The following FNDC3A variants were observed in gnomAD, a reference collection of about 807,000 sequenced individuals.
FNDC3A encodes fibronectin type-III domain-containing protein 3A.
Under a neutral mutation model 148.9 loss-of-function variants are expected in FNDC3A, and 32 were observed. The ratio of observed to expected loss-of-function variants is 0.21; its 90% CI spans 0.16 to 0.29. The LOEUF is 0.29. FNDC3A is among the 10% of genes least tolerant of loss of function. FNDC3A has a pLI of 1.00. For missense variants in FNDC3A, 1,191 were observed against 1,452.8 expected (o/e 0.82, Z 2.93); for synonymous variants, 472 against 473.6 (o/e 1.00, Z 0.04).
At chr13:48,975,907 T>C (rs1951588775), upstream of FNDC3A, 1 of 151,508 alleles carries the variant, frequency 6.6e-6, no homozygotes, top group African/African-American at 2.4e-5. Flanking sequence ...GACTTCGGGC[T>C]CCTCCTCCCG....
chr13:49,051,310 G>T (rs1443078556), intron 2 of FNDC3A, among the ~76,000 whole-genome samples: 1 of 152,052 alleles, frequency 6.6e-6, no homozygotes, highest in Non-Finnish European at 1.5e-5. Context: ...GGTGTATTTT[G>T]CGGATTTGTT....
At chr13:48,975,820 G>A (rs986536497), upstream of FNDC3A, 2 of 151,656 alleles carry the variant, frequency 1.3e-5, no homozygotes, top group Non-Finnish European at 2.9e-5. Context: ...CCCCGGCGCG[G>A]CGGGCTCGAG....
Position 48,995,310 on chromosome 13 carries a change from C to CT in FNDC3A, c.-39-10830dup, listed in dbSNP as rs112558764. Among the ~76,000 whole-genome samples, 901 of 142,684 alleles carry CT rather than the reference C, an allele frequency of 6.3e-3. 5 individuals are homozygous for CT. Among genetic ancestry groups the CT allele is most frequent in the Non-Finnish European group, 0.011 (700 of 64,990 alleles). 93.6% of individuals were successfully genotyped at this position (142,684 alleles called of 152,430 possible). ...AGCCTATTTCTTGATTGAGGACTGC[C>CT]TTTTTTTTTTTTCTTTTAGCATAAC... On this transcript the variant is annotated intron_variant, in intron 1 of 25. Coordinates refer to ENST00000492622, the MANE Select transcript of FNDC3A (RefSeq NM_001079673.2).
At chr13:49,196,434 T>G (rs527321395) in intron 19 of FNDC3A, among the ~76,000 whole-genome samples, 1 of 152,180 alleles carries the variant, frequency 6.6e-6, no homozygotes, top group Non-Finnish European at 1.5e-5. Flanking sequence ...TAAACAAATT[T>G]ATAGAACAGA....
At chr13:49,110,409 A>G (rs754975191) in intron 3 of FNDC3A, 4 of 1,583,592 alleles carry the variant, frequency 2.5e-6, no homozygotes, top group Non-Finnish European at 3.5e-6. Flanking sequence ...AATGAGTGGT[A>G]AGATTTGCTG....
At chr13:49,058,482 G>A (rs1201517097) in intron 2 of FNDC3A, among the ~76,000 whole-genome samples, 1 of 152,056 alleles carries the variant, frequency 6.6e-6, no homozygotes, top group Non-Finnish European at 1.5e-5. Context: ...ATGAGGGGTG[G>A]TCTCCTCCCT....
At chr13:49,043,683 T>C (rs1343861446) in intron 2 of FNDC3A, among the ~76,000 whole-genome samples, 1 of 152,198 alleles carries the variant, frequency 6.6e-6, no homozygotes, top group East Asian at 1.9e-4. Flanking sequence ...TTTCTAAGTC[T>C]TAAGGTTTAT....
chr13:49,001,571 A>G (rs1331721199), intron 1 of FNDC3A, among the ~76,000 whole-genome samples: 2 of 152,166 alleles, frequency 1.3e-5, no homozygotes, highest in Non-Finnish European at 2.9e-5. Flanking sequence ...TTTCTCAGCA[A>G]GGAACATCCC....
At chr13:49,118,866 T>A (rs982800063) in intron 4 of FNDC3A, among the ~76,000 whole-genome samples, 3 of 152,166 alleles carry the variant, frequency 2.0e-5, no homozygotes, top group Admixed American at 6.5e-5. Context: ...CAGGGGCTTA[T>A]AGATAAAACG....
At chr13:49,131,529 C>A (rs888567643) in intron 5 of FNDC3A, among the ~76,000 whole-genome samples, 155 bp downstream of exon 5, 2 of 152,058 alleles carry the variant, frequency 1.3e-5, no homozygotes, top group Admixed American at 1.3e-4. Context: ...GGTGCTTCAT[C>A]CTCATGATCA....
At chr13:49,027,528 C>T (rs1216703368) in intron 2 of FNDC3A, among the ~76,000 whole-genome samples, 1 of 152,024 alleles carries the variant, frequency 6.6e-6, no homozygotes, top group African/African-American at 2.4e-5. Context: ...TGTTGGTTGG[C>T]TTATAAGGTA....
intron 4 of FNDC3A, 107 bp from the exon 5 acceptor site, chr13:49,131,030 T>G: frequency 1.2e-6 from 1 of 806,904 alleles, no homozygotes; most frequent in Non-Finnish European, 2.1e-6. Flanking sequence ...CCTCCCAAAG[T>G]GCTGGGACTA....
At chr13:49,034,342 G>A (rs911098560) in intron 2 of FNDC3A, among the ~76,000 whole-genome samples, 2 of 151,958 alleles carry the variant, frequency 1.3e-5, no homozygotes, top group African/African-American at 2.4e-5. Flanking sequence ...AGTGTTCTAA[G>A]TAATTATATT....
At chr13:49,186,854 T>C (rs1436568568) in intron 15 of FNDC3A, among the ~76,000 whole-genome samples, 1 of 151,950 alleles carries the variant, frequency 6.6e-6, no homozygotes, top group Non-Finnish European at 1.5e-5. Flanking sequence ...GGCAACAGAG[T>C]GAGACTCCAT....
At chr13:49,124,831 T>G (rs539681564) in intron 4 of FNDC3A, among the ~76,000 whole-genome samples, 1 of 152,154 alleles carries the variant, frequency 6.6e-6, no homozygotes, top group Non-Finnish European at 1.5e-5. Context: ...TGGCAAATAG[T>G]ACTAACTTAG....
At chr13:49,104,593 T>A (rs1205953465) in intron 3 of FNDC3A, among the ~76,000 whole-genome samples, 1 of 152,114 alleles carries the variant, frequency 6.6e-6, no homozygotes, top group African/African-American at 2.4e-5. Flanking sequence ...CCATTTCAAG[T>A]CATTTGGTAG....
intron 2 of FNDC3A, among the ~76,000 whole-genome samples, chr13:49,021,526 G>A (rs1414456076): frequency 6.6e-6 from 1 of 152,154 alleles, no homozygotes; most frequent in African/African-American, 2.4e-5. Flanking sequence ...CTAGTCTGCT[G>A]GTTTTTACTG....
rs767119056 is a variant in FNDC3A at position 49,198,201 on chromosome 13, T to A, written c.2710T>A (p.Ser904Thr). 9.9e-6 allele frequency: 16 copies of A among 1,614,110 alleles called. No homozygotes were observed. In the East Asian group the frequency reaches 3.3e-4, roughly 34 times the overall value. ...AYSIDFGDKQSLTVGKVTSYI... is the reference protein window; with the variant it reads ...AYSIDFGDKQTLTVGKVTSYI... Reference sequence around the variant, plus strand: ...CAGCATAGACTTTGGAGATAAACAATCCCTAACAGTGGGAAAGGTTACAAG... The same window carrying A: ...CAGCATAGACTTTGGAGATAAACAAACCCTAACAGTGGGAAAGGTTACAAG... Residue 904 changes from serine to threonine, a missense_variant, in exon 22 of 26, where the codon TCC becomes ACC. Coordinates refer to ENST00000492622, the MANE Select transcript of FNDC3A (RefSeq NM_001079673.2).
chr13:49,064,811 A>T (rs1024127829), intron 2 of FNDC3A, among the ~76,000 whole-genome samples: 9 of 152,200 alleles, frequency 5.9e-5, no homozygotes, highest in African/African-American at 2.2e-4. Context: ...AGATGACCAC[A>T]TAACATACAG....
Sources: allele counts gnomAD v4.1 joint callset (sites outside exome capture counted in the v4.1 genomes callset), GRCh38; gene constraint gnomAD v4.1.1; transcripts MANE v1.5; gene names NCBI Gene and HGNC (gene_info 2026-07-23, HGNC 2026-07-21).